Variants in EFNA5 observed in about 807,000 individuals in gnomAD.
The protein encoded by EFNA5 is ephrin-A5.
In EFNA5, 5 loss-of-function variants were observed where a neutral mutation model predicts 22.9. That is an observed-to-expected ratio of 0.22 (90% CI 0.11 to 0.46). The LOEUF is 0.46. Ranked by LOEUF, EFNA5 falls within the 20% of genes least tolerant of loss-of-function variation. EFNA5 has a pLI of 0.99. For synonymous variants in EFNA5, 113 were observed against 112.2 expected, an observed-to-expected ratio of 1.01 and a Z score of -0.04; for missense variants, 237 against 293.3, an observed-to-expected ratio of 0.81 and a Z score of 1.40.
At chr5:107,451,109 C>T (rs1049800398) in intron 1 of EFNA5, among the ~76,000 whole-genome samples, 9 of 152,238 alleles carry the variant, frequency 5.9e-5, no homozygotes, top group African/African-American at 1.7e-4. Flanking sequence ...AAGTTTATGA[C>T]ATCACTTCCC....
intron 1 of EFNA5, among the ~76,000 whole-genome samples, chr5:107,586,742 G>A (rs1411010021): frequency 1.3e-5 from 2 of 152,176 alleles, no homozygotes; most frequent in African/African-American, 4.8e-5. Flanking sequence ...AAAGCGAAGT[G>A]TATCTGTTCA....
chr5:107,470,848 T>G (rs955507313), intron 1 of EFNA5, among the ~76,000 whole-genome samples: 1 of 149,270 alleles, frequency 6.7e-6, no homozygotes, highest in African/African-American at 2.5e-5. Context: ...CTAGGCAAAA[T>G]AGCAAGACCT....
chr5:107,477,691 T>C (rs1750350208), intron 1 of EFNA5, among the ~76,000 whole-genome samples: 1 of 152,240 alleles, frequency 6.6e-6, no homozygotes, highest in Non-Finnish European at 1.5e-5. Flanking sequence ...TTGTGTTCTC[T>C]TGACTAACTT....
chr5:107,457,976 G>A (rs1199044137), intron 1 of EFNA5, among the ~76,000 whole-genome samples: 4 of 152,094 alleles, frequency 2.6e-5, no homozygotes, highest in East Asian at 1.9e-4. Context: ...ATTTTAGAAC[G>A]TGTTCAAGGT....
intron 1 of EFNA5, among the ~76,000 whole-genome samples, chr5:107,658,018 G>A (rs1409183704): frequency 5.9e-5 from 9 of 152,210 alleles, no homozygotes; most frequent in Non-Finnish European, 8.8e-5. Flanking sequence ...GACTCTACAG[G>A]AGCAAAAGTT....
At chr5:107,567,319 C>T (rs1302731479) in intron 1 of EFNA5, among the ~76,000 whole-genome samples, 1 of 152,184 alleles carries the variant, frequency 6.6e-6, no homozygotes. Flanking sequence ...ATAAGTTCTT[C>T]CAGAAAATCT....
At chr5:107,636,710 G>A (rs1473912428) in intron 1 of EFNA5, among the ~76,000 whole-genome samples, 6 of 152,156 alleles carry the variant, frequency 3.9e-5, no homozygotes, top group African/African-American at 4.8e-5. Context: ...CATAAGCCAC[G>A]TATCTTGCAT....
intron 1 of EFNA5, among the ~76,000 whole-genome samples, chr5:107,541,270 A>T (rs1430828941): frequency 6.6e-6 from 1 of 152,312 alleles, no homozygotes; most frequent in East Asian, 1.9e-4. Flanking sequence ...TCAAACAACA[A>T]ATGAAAACTT....
chr5:107,616,895 T>C (rs961036668), intron 1 of EFNA5, among the ~76,000 whole-genome samples: 3 of 152,152 alleles, frequency 2.0e-5, no homozygotes, highest in Admixed American at 2.0e-4. Context: ...CATCTGAAAA[T>C]AGCCAGACCT....
rs1453275222 is a variant in EFNA5, at chr5:107,549,663, G to A, written c.125+120826C>T. Among the ~76,000 whole-genome samples, 4 of 152,234 alleles carry A rather than the reference G, an allele frequency of 2.6e-5. No homozygotes were observed. In the East Asian group the frequency reaches 7.7e-4, roughly 29 times the overall value. ...CTCATTTCAAGCCTGTTGGGTCCCA[G>A]GCTTCCACAGTGGTAAGAGGGAAGG... On this transcript the variant is annotated intron_variant, in intron 1 of 4. Transcript: ENST00000333274.
chr5:107,403,681 C>A (rs1748143357), intron 2 of EFNA5, among the ~76,000 whole-genome samples: 1 of 152,246 alleles, frequency 6.6e-6, no homozygotes. Context: ...TTTATATCTG[C>A]AACCCTAGAT....
chr5:107,670,210 G>A (rs1751161313), intron 1 of EFNA5, among the ~76,000 whole-genome samples: 1 of 152,004 alleles, frequency 6.6e-6, no homozygotes, highest in Admixed American at 6.5e-5. Context: ...CTACTCCCCG[G>A]CTCCCGCCCT....
At chr5:107,644,871 T>C (rs1219819028) in intron 1 of EFNA5, among the ~76,000 whole-genome samples, 1 of 152,154 alleles carries the variant, frequency 6.6e-6, no homozygotes, top group East Asian at 1.9e-4. Flanking sequence ...CTGGCTAATT[T>C]TGTATTTTTA....
At chr5:107,399,150 GTAAGAAA>G (rs1748011694) in intron 2 of EFNA5, among the ~76,000 whole-genome samples, 3 of 151,852 alleles carry the variant, frequency 2.0e-5, no homozygotes, top group Admixed American at 1.3e-4. Flanking sequence ...GTCCCAAGAA[GTAAGAAA>G]TAAGTGAAAG....
chr5:107,498,948 G>A (rs2112423282), intron 1 of EFNA5, among the ~76,000 whole-genome samples: 1 of 140,124 alleles, frequency 7.1e-6, no homozygotes, highest in East Asian at 2.1e-4. Context: ...TTTTCTTTAT[G>A]TATATAAGTA....
At chr5:107,499,311 A>G (rs1054317483) in intron 1 of EFNA5, among the ~76,000 whole-genome samples, 2 of 152,182 alleles carry the variant, frequency 1.3e-5, no homozygotes, top group African/African-American at 4.8e-5. Flanking sequence ...GTCTCTGAGT[A>G]ACAACAGGTT....
At chr5:107,388,523 T>A (rs1580417392) in intron 2 of EFNA5, 1 of 152,246 alleles carries the variant, frequency 6.6e-6, no homozygotes, top group East Asian at 1.9e-4. Flanking sequence ...TATAAATCAC[T>A]TGAGGAAGAA....
chr5:107,396,966 C>T (rs1747943005), intron 2 of EFNA5, among the ~76,000 whole-genome samples: 1 of 152,104 alleles, frequency 6.6e-6, no homozygotes, highest in Non-Finnish European at 1.5e-5. Flanking sequence ...TATACCCAGA[C>T]ATGACAGTGA....
intron 1 of EFNA5, among the ~76,000 whole-genome samples, chr5:107,585,901 A>C (rs1580543868): frequency 3.3e-5 from 5 of 152,322 alleles, no homozygotes; most frequent in Admixed American, 3.3e-4. Flanking sequence ...TTTTGGGGAC[A>C]GTTTAGTTCA....
Sources: gnomAD v4.1 joint callset for allele counts (sites outside exome capture counted in the v4.1 genomes callset) on GRCh38, gnomAD v4.1.1 for gene constraint, MANE v1.5 for transcripts, NCBI Gene and HGNC (gene_info 2026-07-23, HGNC 2026-07-21) for gene names.